The following LRRC7 variants were observed in gnomAD, a reference collection of about 807,000 sequenced individuals.
LRRC7 encodes the protein leucine rich repeat containing 7, also known as leucine-rich repeat-containing protein 7.
In LRRC7, 23 loss-of-function variants were observed where a neutral mutation model predicts 175.7. The observed-to-expected ratio is 0.13, with a 90% CI of 0.09 to 0.19. The LOEUF (loss-of-function observed/expected upper bound fraction) is 0.19, where lower values mean the gene tolerates loss of function less well. Ranked by LOEUF, LRRC7 falls within the 10% of genes least tolerant of loss-of-function variation. The pLI is 1.00. For missense variants in LRRC7, 1,354 were observed against 1,904.7 expected, an observed-to-expected ratio of 0.71 and a Z score of 5.38; for synonymous variants, 685 against 680.9, an observed-to-expected ratio of 1.01 and a Z score of -0.09.
At chr1:69,919,990 G>T (rs1467549022) in intron 7 of LRRC7, 2 of 498,138 alleles carry the variant, frequency 4.0e-6, no homozygotes, top group Non-Finnish European at 3.6e-6. Flanking sequence ...CTTCCAGACT[G>T]GGGGCCCTGG....
At chr1:69,861,017 G>C (rs1314920014) in intron 7 of LRRC7, among the ~76,000 whole-genome samples, 1 of 151,984 alleles carries the variant, frequency 6.6e-6, no homozygotes, top group South Asian at 2.1e-4. Context: ...AGGTCAAGGA[G>C]AGAAGTAAGT....
At chr1:69,882,534 A>G (rs1205966124) in intron 7 of LRRC7, among the ~76,000 whole-genome samples, 1 of 152,102 alleles carries the variant, frequency 6.6e-6, no homozygotes, top group Non-Finnish European at 1.5e-5. Flanking sequence ...TATAAACACT[A>G]TATAAATATC....
At chr1:69,961,262 A>G (rs970328773) in intron 8 of LRRC7, among the ~76,000 whole-genome samples, 1 of 152,222 alleles carries the variant, frequency 6.6e-6, no homozygotes, top group Non-Finnish European at 1.5e-5. Context: ...ATACCTAGGA[A>G]TACAGCTAAC....
At chr1:69,979,944 C>T (rs892172284) in intron 8 of LRRC7, among the ~76,000 whole-genome samples, 3 of 151,818 alleles carry the variant, frequency 2.0e-5, no homozygotes, top group South Asian at 4.2e-4. Flanking sequence ...GTGTGCAAGG[C>T]GCTAATACAC....
rs1317009308 is a variant in LRRC7 at position 70,142,034 on chromosome 1, C to A, written c.*20147C>A. ...CCCAACCCTCTACTAAAGAATATTT[C>A]TTATTTAGTCAGGAAATCTTATGTA... is the stretch of plus-strand genomic sequence containing the variant. On this transcript the variant is annotated 3_prime_UTR_variant, in exon 27 of 27. Transcript: ENST00000651989. 1 of 152,014 alleles carries A rather than the reference C, an allele frequency of 6.6e-6. No individual in the cohort carries two copies. Among genetic ancestry groups the A allele is most frequent in the Non-Finnish European group, 1.5e-5 (1 of 67,944 alleles). 9.4% of individuals were successfully genotyped at this position (152,014 alleles called of 1,614,324 possible). A position where few individuals can be genotyped will look rare whatever the true frequency, so the allele number is the denominator to read the frequency against.
At chr1:69,728,599 T>C (rs1667232540) in intron 2 of LRRC7, among the ~76,000 whole-genome samples, 1 of 152,214 alleles carries the variant, frequency 6.6e-6, no homozygotes, top group South Asian at 2.1e-4. Flanking sequence ...TCCCAGCTCT[T>C]TCCATGATCA....
chr1:70,045,704 T>C (rs1660272804), intron 22 of LRRC7, among the ~76,000 whole-genome samples: 1 of 152,146 alleles, frequency 6.6e-6, no homozygotes, highest in Non-Finnish European at 1.5e-5. Context: ...GACTGGGTAA[T>C]TTGTAAAGGA....
chr1:69,934,477 C>T (rs1647740615), intron 8 of LRRC7, among the ~76,000 whole-genome samples: 1 of 106,216 alleles, frequency 9.4e-6, no homozygotes, highest in South Asian at 3.1e-4. Flanking sequence ...GTTCTGAGAA[C>T]ATAATAGATA....
chr1:69,607,088 G>C (rs543536990), intron 1 of LRRC7: 1 of 152,118 alleles, frequency 6.6e-6, no homozygotes, highest in East Asian at 1.9e-4. Context: ...AGTTTCAGGT[G>C]GTCCAGCGAT....
At chr1:69,748,752 T>C (rs1156554524) in intron 2 of LRRC7, among the ~76,000 whole-genome samples, 2 of 152,108 alleles carry the variant, frequency 1.3e-5, no homozygotes, top group African/African-American at 4.8e-5. Flanking sequence ...ATCAGGTAAG[T>C]GATTAGACTG....
intron 1 of LRRC7, among the ~76,000 whole-genome samples, chr1:69,601,927 C>T (rs866327834): frequency 5.3e-5 from 8 of 152,026 alleles, no homozygotes; most frequent in Admixed American, 2.0e-4. Context: ...CTGGTTCACA[C>T]GTGTATTTTC....
chr1:70,098,806 A>G (rs1392571386), intron 25 of LRRC7, among the ~76,000 whole-genome samples: 4 of 150,892 alleles, frequency 2.7e-5, no homozygotes, highest in Admixed American at 2.0e-4. Flanking sequence ...CAATAACAGG[A>G]TCTGAAATTG....
intron 1 of LRRC7, among the ~76,000 whole-genome samples, chr1:69,637,950 C>G (rs1378450228): frequency 6.6e-6 from 1 of 151,690 alleles, no homozygotes; most frequent in Non-Finnish European, 1.5e-5. Flanking sequence ...AGAGCCTCGC[C>G]TGAGATTTTA....
At chr1:69,714,228 C>G (rs1178901031) in intron 2 of LRRC7, among the ~76,000 whole-genome samples, 1 of 152,144 alleles carries the variant, frequency 6.6e-6, no homozygotes, top group Admixed American at 6.5e-5. Context: ...AATATCTAGT[C>G]TCCCTCTAGG....
intron 5 of LRRC7, among the ~76,000 whole-genome samples, chr1:69,830,282 A>C (rs1360029324): frequency 6.6e-6 from 1 of 151,838 alleles, no homozygotes; most frequent in African/African-American, 2.4e-5. Context: ...AGTTATAAGT[A>C]GAGTGACCAA....
At chr1:69,850,072 T>C (rs956824352) in intron 7 of LRRC7, among the ~76,000 whole-genome samples, 2 of 151,770 alleles carry the variant, frequency 1.3e-5, no homozygotes, top group African/African-American at 2.4e-5. Flanking sequence ...GGGGTGGGGG[T>C]TGGTTTTTTT....
chr1:69,687,319 G>A (rs1051448238), intron 2 of LRRC7, among the ~76,000 whole-genome samples: 5 of 151,948 alleles, frequency 3.3e-5, no homozygotes, highest in Admixed American at 1.3e-4. Flanking sequence ...CACCAGTCTG[G>A]CCAAGATGGC....
intron 2 of LRRC7, among the ~76,000 whole-genome samples, chr1:69,725,166 G>A (rs536362393): frequency 2.6e-5 from 4 of 152,060 alleles, no homozygotes; most frequent in East Asian, 1.9e-4. Flanking sequence ...TTAAAAAATC[G>A]TAAAGAAGAG....
intron 1 of LRRC7, among the ~76,000 whole-genome samples, chr1:69,602,159 C>T (rs1449650739): frequency 6.6e-6 from 1 of 152,168 alleles, no homozygotes; most frequent in Non-Finnish European, 1.5e-5. Context: ...AAGAACAGAA[C>T]CCAGATGCTC....
Sources: allele counts gnomAD v4.1 joint callset (sites outside exome capture counted in the v4.1 genomes callset), GRCh38; gene constraint gnomAD v4.1.1; transcripts MANE v1.5; gene names NCBI Gene and HGNC (gene_info 2026-07-23, HGNC 2026-07-21).